JADE3: variants seen among roughly 807,000 people sequenced by gnomAD.
JADE3 encodes protein Jade-3.
A neutral mutation model predicts 50.1 loss-of-function variants in JADE3; 2 were observed. The observed-to-expected ratio is 0.04, with a 90% CI of 0.02 to 0.13. The LOEUF is 0.13. Ranked by LOEUF, JADE3 falls within the 10% of genes least tolerant of loss-of-function variation. The probability of loss-of-function intolerance (pLI) is 1.00; values close to 1 mark genes in which losing one functional copy is unlikely to be tolerated. For missense variants in JADE3, 475 were observed against 634.4 expected (o/e 0.75, Z 2.70); for synonymous variants, 218 against 232.9 (o/e 0.94, Z 0.58).
chrX:46,923,504 T>C (rs894907945), intron 1 of JADE3, among the ~76,000 whole-genome samples: 2 of 100,479 alleles, frequency 2.0e-5, no homozygotes, highest in African/African-American at 7.2e-5. Context: ...CTCAACCTTC[T>C]GGGCTCAAGC....
chrX:46,942,856 G>C (rs946920848), intron 1 of JADE3, among the ~76,000 whole-genome samples: 2 of 111,650 alleles, frequency 1.8e-5, no homozygotes, highest in African/African-American at 6.5e-5. Context: ...TTTTTCATTT[G>C]TTTATGTCAT....
intron 1 of JADE3, among the ~76,000 whole-genome samples, chrX:46,966,928 A>G (rs1194564218): frequency 8.9e-6 from 1 of 112,056 alleles, no homozygotes; most frequent in Admixed American, 9.5e-5. Context: ...AGCTGTCTAG[A>G]CATTAGAATA....
chrX:46,981,248 T>G (rs923824845), intron 1 of JADE3, among the ~76,000 whole-genome samples: 1 of 112,171 alleles, frequency 8.9e-6, no homozygotes, highest in Non-Finnish European at 1.9e-5. Flanking sequence ...GTTAGAAAAC[T>G]AATAGGTGTT....
At chrX:47,019,535 C>T (rs782170843) in intron 4 of JADE3, among the ~76,000 whole-genome samples, 3 of 111,728 alleles carry the variant, frequency 2.7e-5, no homozygotes, top group Non-Finnish European at 5.6e-5. Flanking sequence ...TAGGAACATA[C>T]CACCACACCC....
At chrX:47,055,699 C>G (rs1277696280) in intron 9 of JADE3, among the ~76,000 whole-genome samples, 1 of 111,774 alleles carries the variant, frequency 8.9e-6, no homozygotes, top group African/African-American at 3.3e-5. Context: ...GCTCGTCCGG[C>G]ACTGATTAGA....
At chrX:47,013,857 A>G (rs1433271238) in intron 4 of JADE3, among the ~76,000 whole-genome samples, 1 of 111,974 alleles carries the variant, frequency 8.9e-6, no homozygotes, top group African/African-American at 3.2e-5. Flanking sequence ...ACTCTCTCAA[A>G]ACACTCATAA....
chrX:46,947,052 C>T (rs1926898254), intron 1 of JADE3, among the ~76,000 whole-genome samples: 1 of 111,790 alleles, frequency 8.9e-6, no homozygotes, highest in Non-Finnish European at 1.9e-5. Context: ...CGGAGTCTCA[C>T]TCTGTCACCC....
chrX:46,970,677 C>T lies in JADE3; in HGVS notation c.-11-14207C>T, dbSNP rs1927463966. ...GGTGTGCAGTGGATTTGAACTTGCT[C>T]AGTAAGTTTGGGGTCATTTCTGTGT... On this transcript the variant is annotated intron_variant, in intron 1 of 10. Transcript: ENST00000614628. 2.7e-5 allele frequency among the ~76,000 whole-genome samples: 3 copies of T among 111,739 alleles called. No individual in the cohort carries two copies. In the South Asian group the frequency reaches 1.1e-3, roughly 42 times the overall value.
rs782439519 is a variant in JADE3 at position 46,984,915 on chromosome X, C to A, written c.21C>A (p.Val7=). MKRHRP[V]SSSDSSDESP... ...CCAGGATGAAACGCCATAGGCCTGTCAGCAGCAGTGACAGTTCAGACGAAA... is the reference window on the plus strand; with the variant it reads ...CCAGGATGAAACGCCATAGGCCTGTAAGCAGCAGTGACAGTTCAGACGAAA... Residue 7 remains valine, a synonymous_variant, in exon 2 of 11, where the codon GTC becomes GTA. Transcript: ENST00000614628. 9 of 1,207,501 alleles carry A rather than the reference C, an allele frequency of 7.5e-6. No individual in the cohort carries two copies. The highest frequency in any genetic ancestry group is 4.4e-5 in the Admixed American group (2 of 45,686).
At position 47,059,829 on chromosome X, in the gene JADE3, G is replaced by A. The variant is rs1173769312; in HGVS notation, c.*752G>A. 1 of 112,151 alleles carries A rather than the reference G, an allele frequency of 8.9e-6. No homozygotes were observed. Among genetic ancestry groups the A allele is most frequent in the African/African-American group, 3.2e-5 (1 of 30,784 alleles). The allele number at this position is 112,151 out of a possible 1,213,427, so 9.2% of individuals were successfully genotyped here. A position where few individuals can be genotyped will look rare whatever the true frequency, so the allele number is the denominator to read the frequency against. Reference sequence around the variant, plus strand: ...GATTCTCTGTTTAGGCATTTGTGAAGGATTCCAGAGCCTTTCCCAAAGTGA... The same window carrying A: ...GATTCTCTGTTTAGGCATTTGTGAAAGATTCCAGAGCCTTTCCCAAAGTGA... On this transcript the variant is annotated 3_prime_UTR_variant, in exon 11 of 11. Coordinates refer to ENST00000614628, the MANE Select transcript of JADE3 (RefSeq NM_014735.5).
At chrX:46,997,856 T>C (rs1291623298) in intron 3 of JADE3, among the ~76,000 whole-genome samples, 2 of 112,347 alleles carry the variant, frequency 1.8e-5, no homozygotes, top group Non-Finnish European at 3.8e-5. Context: ...TTGAGTAACC[T>C]GTATTGTTGG....
intron 1 of JADE3, among the ~76,000 whole-genome samples, chrX:46,966,568 C>A (rs1927373109): frequency 9.0e-6 from 1 of 110,989 alleles, no homozygotes; most frequent in Non-Finnish European, 1.9e-5. Flanking sequence ...TTCAAGAAGG[C>A]CAGAGTGATC....
chrX:47,054,869 C>A (rs1173796131), intron 9 of JADE3, among the ~76,000 whole-genome samples: 3 of 111,951 alleles, frequency 2.7e-5, no homozygotes, highest in Non-Finnish European at 5.6e-5. Flanking sequence ...AATAAACTCT[C>A]ATTTGGTTTA....
chrX:47,033,607 C>T lies in JADE3; in HGVS notation c.688-14C>T. On this transcript the variant is annotated splice_polypyrimidine_tract_variant and intron_variant, in intron 6 of 10. Transcript: ENST00000614628. The stretch of plus-strand genomic sequence containing the variant: ...GGTGCTGACCATTCTCCCCTCTCCT[C>T]CTCATACCTCCAGGCCTGCTATGGC... 7 of 1,197,054 alleles carry T rather than the reference C, an allele frequency of 5.8e-6. No individual in the cohort carries two copies. Among genetic ancestry groups the T allele is most frequent in the Non-Finnish European group, 7.9e-6 (7 of 886,316 alleles).
chrX:46,955,102 A>G (rs1414822094), intron 1 of JADE3, among the ~76,000 whole-genome samples: 1 of 112,789 alleles, frequency 8.9e-6, no homozygotes, highest in African/African-American at 3.2e-5. Context: ...GGGTAGCAGC[A>G]GAGAGCTGCT....
chrX:47,022,111 G>A (rs1367573282), intron 4 of JADE3, among the ~76,000 whole-genome samples: 6 of 112,263 alleles, frequency 5.3e-5, no homozygotes, highest in African/African-American at 1.9e-4. Flanking sequence ...AATTTGAGGC[G>A]ATTGAGATGA....
At chrX:46,921,675 T>G (rs2147102714) in intron 1 of JADE3, among the ~76,000 whole-genome samples, 1 of 111,735 alleles carries the variant, frequency 8.9e-6, no homozygotes, top group South Asian at 3.8e-4. Context: ...TTTCATTTCT[T>G]TATGGTAATC....
intron 4 of JADE3, among the ~76,000 whole-genome samples, chrX:47,009,450 G>A (rs1261015056): frequency 2.7e-5 from 3 of 110,973 alleles, no homozygotes; most frequent in African/African-American, 9.8e-5. Context: ...CAGATAAAAA[G>A]GTTTTCAGTA....
At chrX:46,936,033 T>C (rs1692985921) in intron 1 of JADE3, among the ~76,000 whole-genome samples, 1 of 103,044 alleles carries the variant, frequency 9.7e-6, no homozygotes, top group African/African-American at 3.6e-5. Flanking sequence ...TTTTTTTTTT[T>C]TTTGAGATAG....
Sources: gnomAD v4.1 joint callset for allele counts (sites outside exome capture counted in the v4.1 genomes callset) on GRCh38, gnomAD v4.1.1 for gene constraint, MANE v1.5 for transcripts, NCBI Gene and HGNC (gene_info 2026-07-23, HGNC 2026-07-21) for gene names.